The following NIM1K variants were observed in gnomAD, a reference collection of about 807,000 sequenced individuals.
NIM1K encodes NIM1 serine/threonine protein kinase.
Under a neutral mutation model 37.1 loss-of-function variants are expected in NIM1K, and 35 were observed. That is an observed-to-expected ratio of 0.94 (90% CI 0.72 to 1.25). The LOEUF is 1.25. NIM1K is among the 50% of genes most tolerant of loss of function. The probability of loss-of-function intolerance (pLI) is 0.00; values close to 1 mark genes in which losing one functional copy is unlikely to be tolerated. For missense variants in NIM1K, 564 were observed against 548.0 expected (o/e 1.03, Z -0.29); for synonymous variants, 234 against 206.6 (o/e 1.13, Z -1.14).
At chr5:43,272,182 A>G (rs1336135232) in intron 2 of NIM1K, among the ~76,000 whole-genome samples, 1 of 152,222 alleles carries the variant, frequency 6.6e-6, no homozygotes, top group Admixed American at 6.5e-5. Context: ...AAAAGCTTGT[A>G]GACCATAACC....
At chr5:43,274,601 A>G (rs1490570378) in intron 2 of NIM1K, among the ~76,000 whole-genome samples, 1 of 152,218 alleles carries the variant, frequency 6.6e-6, no homozygotes, top group Non-Finnish European at 1.5e-5. Context: ...AAGGATTGCC[A>G]TTGGAGGTTC....
At chr5:43,235,560 A>G (rs1286119643) in intron 1 of NIM1K, among the ~76,000 whole-genome samples, 1 of 152,226 alleles carries the variant, frequency 6.6e-6, no homozygotes, top group African/African-American at 2.4e-5. Flanking sequence ...AATTGTTTTC[A>G]TAATCTTCCT....
chr5:43,199,799 A>G (rs1218045025), intron 1 of NIM1K, among the ~76,000 whole-genome samples: 2 of 152,204 alleles, frequency 1.3e-5, no homozygotes, highest in Admixed American at 1.3e-4. Flanking sequence ...TGTCTGCCAC[A>G]CTATCACTTA....
rs1309075630 is a variant in NIM1K at position 43,245,338 on chromosome 5, G to T, written c.-438G>T. The T allele has an allele frequency of 6.5e-6, 1 of 154,466 alleles. No homozygotes were observed. Among genetic ancestry groups the T allele is most frequent in the African/African-American group, 2.4e-5 (1 of 41,580 alleles). 9.6% of individuals were successfully genotyped at this position (154,466 alleles called of 1,614,324 possible). ...GCAGGGACGTGGGGGCCTCCCAGGG[G>T]CATTTACGCACCAGAGTGCAAGATT... On this transcript the variant is annotated 5_prime_UTR_variant, in exon 2 of 4. Transcript: ENST00000326035.
intron 1 of NIM1K, chr5:43,192,805 G>T (rs541706103): frequency 6.6e-6 from 1 of 152,516 alleles, no homozygotes; most frequent in Admixed American, 6.5e-5. Context: ...GTGAGCCGAG[G>T]AGCGCAGCTT....
intron 2 of NIM1K, among the ~76,000 whole-genome samples, chr5:43,272,750 A>G (rs531624841): frequency 7.2e-5 from 11 of 152,240 alleles, no homozygotes; most frequent in East Asian, 3.9e-4. Context: ...TTGATACTTA[A>G]TAATTGGAAG....
intron 1 of NIM1K, among the ~76,000 whole-genome samples, chr5:43,214,384 C>T (rs1171200276): frequency 6.6e-6 from 1 of 152,172 alleles, no homozygotes; most frequent in African/African-American, 2.4e-5. Context: ...ACTTCTACCC[C>T]AATTTCATTT....
At chr5:43,278,335 G>A (rs113195684) in intron 3 of NIM1K, among the ~76,000 whole-genome samples, 1,888 of 152,234 alleles carry the variant, frequency 0.012, 33 homozygotes, top group Non-Finnish European at 0.014. Context: ...GTGAGCCACC[G>A]TGCCTGGCCG....
At chr5:43,198,280 TCTC>T (rs1283597856) in intron 1 of NIM1K, among the ~76,000 whole-genome samples, 10 of 148,500 alleles carry the variant, frequency 6.7e-5, no homozygotes, top group African/African-American at 2.0e-4. Flanking sequence ...TCTCTCTTTC[TCTC>T]CTTTCTTCCT....
intron 2 of NIM1K, among the ~76,000 whole-genome samples, chr5:43,275,055 G>GT (rs1272059882): frequency 6.6e-6 from 1 of 152,142 alleles, no homozygotes; most frequent in Admixed American, 6.5e-5. Context: ...TCGTTATACA[G>GT]TAAGTCTATA....
intron 1 of NIM1K, among the ~76,000 whole-genome samples, chr5:43,229,194 G>T (rs1262484531): frequency 6.6e-6 from 1 of 152,014 alleles, no homozygotes. Context: ...GGGCTAGCCT[G>T]GGCAACATGG....
chr5:43,242,628 G>C (rs897738910), intron 1 of NIM1K, among the ~76,000 whole-genome samples: 5 of 151,836 alleles, frequency 3.3e-5, no homozygotes, highest in African/African-American at 1.2e-4. Context: ...TAAATTCTAG[G>C]ATAGTGTTAG....
chr5:43,199,204 A>AAAAAATATATATATAT (rs1200134957), intron 1 of NIM1K, among the ~76,000 whole-genome samples: 1 of 94,068 alleles, frequency 1.1e-5, no homozygotes, highest in Non-Finnish European at 2.0e-5. Flanking sequence ...AAAAAAAAAA[A>AAAAAATATATATATAT]ATATATATAT....
rs150784801 is a variant in NIM1K, at chr5:43,241,490, C to T, written c.-694-3592C>T. ...GAGTAGCTGGGACTACAGGTGTGCA[C>T]CACCACGCCCAGCTAATATTTTGTA... On this transcript the variant is annotated intron_variant, in intron 1 of 3. Transcript: ENST00000326035. 2.7e-4 allele frequency among the ~76,000 whole-genome samples: 41 copies of T among 151,772 alleles called. 1 individual carries two copies. The highest frequency in any genetic ancestry group is 8.7e-4 in the African/African-American group (36 of 41,184).
At position 43,259,305 on chromosome 5, in the gene NIM1K, C is replaced by G. The variant is rs180986585; in HGVS notation, c.292+13238C>G. Among the ~76,000 whole-genome samples the G allele has an allele frequency of 1.3e-3, 192 of 152,240 alleles. 2 individuals carry two copies. Among genetic ancestry groups the G allele is most frequent in the African/African-American group, 4.3e-3 (179 of 41,538 alleles). ...TGTTGGATCAAATGGTAGATCTACT[C>G]TCAGATTTAGATTTTAATTTACTTT... On this transcript the variant is annotated intron_variant, in intron 2 of 3. Transcript: ENST00000326035.
intron 1 of NIM1K, among the ~76,000 whole-genome samples, chr5:43,203,361 G>A (rs1347077789): frequency 6.6e-6 from 1 of 152,220 alleles, no homozygotes; most frequent in African/African-American, 2.4e-5. Context: ...ACGGACTGAA[G>A]CCTACTTTTG....
chr5:43,238,342 C>T (rs941713275), intron 1 of NIM1K, among the ~76,000 whole-genome samples: 2 of 151,946 alleles, frequency 1.3e-5, no homozygotes, highest in African/African-American at 4.8e-5. Flanking sequence ...TGCGCCCGGC[C>T]AATTTAATTC....
chr5:43,234,163 A>AGTTTTG (rs996650314), intron 1 of NIM1K, among the ~76,000 whole-genome samples: 9 of 152,168 alleles, frequency 5.9e-5, no homozygotes, highest in African/African-American at 9.6e-5. Flanking sequence ...AGATGGCCTT[A>AGTTTTG]GTTTTGGTTT....
At chr5:43,232,787 A>G (rs74607555) in intron 1 of NIM1K, 23,704 of 1,086,010 alleles carry the variant, frequency 0.022, 356 homozygotes, top group Middle Eastern at 0.047. Flanking sequence ...CGATCCATGC[A>G]CTGTTCAGCC....
Sources: gnomAD v4.1 joint callset for allele counts (sites outside exome capture counted in the v4.1 genomes callset) on GRCh38, gnomAD v4.1.1 for gene constraint, MANE v1.5 for transcripts, NCBI Gene and HGNC (gene_info 2026-07-23, HGNC 2026-07-21) for gene names.